The following ATG10 variants were observed in gnomAD, a reference collection of about 807,000 sequenced individuals.
The protein encoded by ATG10 is ubiquitin-like-conjugating enzyme ATG10.
A neutral mutation model predicts 32.1 loss-of-function variants in ATG10; 30 were observed. That is an observed-to-expected ratio of 0.94 (90% CI 0.70 to 1.27). The LOEUF (loss-of-function observed/expected upper bound fraction) is 1.27, where lower values mean the gene tolerates loss of function less well. Among genes scored for constraint, ATG10 ranks in the 50% most tolerant of loss-of-function variants. The probability of loss-of-function intolerance (pLI) is 0.00; values close to 1 mark genes in which losing one functional copy is unlikely to be tolerated. For synonymous variants in ATG10, 87 were observed against 91.5 expected (o/e 0.95, Z 0.28); for missense variants, 233 against 262.3 (o/e 0.89, Z 0.77).
chr5:82,164,502 A>G lies in ATG10; in HGVS notation c.320A>G (p.Gln107Arg). Residue 107 changes from glutamine to arginine, a missense_variant, in exon 4 of 8, where the codon CAA becomes CGA. Transcript: ENST00000282185. ...CATGTCTTATATTCCTGTAGCTACC[A>G]AGTGCCTGTACTTTACTTTAGGGCA... ...EYHVLYSCSYQVPVLYFRASF... is the reference protein window; with the variant it reads ...EYHVLYSCSYRVPVLYFRASF... 6.2e-7 allele frequency: 1 copy of G among 1,613,664 alleles called. No individual in the cohort carries two copies. Among genetic ancestry groups the G allele is most frequent in the Non-Finnish European group, 8.5e-7 (1 of 1,179,622 alleles).
intron 3 of ATG10, among the ~76,000 whole-genome samples, chr5:82,143,902 A>G (rs1158588249): frequency 3.3e-5 from 5 of 152,220 alleles, no homozygotes; most frequent in African/African-American, 1.2e-4. Context: ...GATTTTGTAT[A>G]GAATTGGTAT....
chr5:82,125,200 G>A lies in ATG10; in HGVS notation c.217-39199G>A, dbSNP rs1285673595. Among the ~76,000 whole-genome samples the A allele has an allele frequency of 2.6e-5, 4 of 152,182 alleles. No homozygotes were observed. In the East Asian group the frequency reaches 5.8e-4, roughly 22 times the overall value. On this transcript the variant is annotated intron_variant, in intron 3 of 7. Coordinates refer to ENST00000282185, the MANE Select transcript of ATG10 (RefSeq NM_031482.5). ...TCTGGATATTAGCCCTTTGTCAGAT[G>A]GATAGATTGCAAAAATTTTCTCCCA...
At chr5:82,190,951 T>C (rs1252550450) in intron 5 of ATG10, among the ~76,000 whole-genome samples, 1 of 152,144 alleles carries the variant, frequency 6.6e-6, no homozygotes, top group Non-Finnish European at 1.5e-5. Flanking sequence ...TCAAATATTA[T>C]TTGGAATAAA....
chr5:82,040,104 T>G (rs1452380919), intron 2 of ATG10, among the ~76,000 whole-genome samples: 1 of 152,164 alleles, frequency 6.6e-6, no homozygotes, highest in Non-Finnish European at 1.5e-5. Flanking sequence ...TGGTCCTCTT[T>G]AAGGCTAGGC....
intron 3 of ATG10, among the ~76,000 whole-genome samples, chr5:82,120,955 C>G (rs890507221): frequency 6.6e-6 from 1 of 152,042 alleles, no homozygotes; most frequent in Non-Finnish European, 1.5e-5. Context: ...ATTTGAAAAT[C>G]CTTTGAACTT....
At chr5:82,008,872 A>G (rs951681685) in intron 2 of ATG10, among the ~76,000 whole-genome samples, 3 of 152,242 alleles carry the variant, frequency 2.0e-5, no homozygotes, top group Non-Finnish European at 4.4e-5. Context: ...TATTACATTT[A>G]TATATGATTG....
chr5:82,127,470 C>T (rs1397528435), intron 3 of ATG10, among the ~76,000 whole-genome samples: 1 of 152,108 alleles, frequency 6.6e-6, no homozygotes, highest in Non-Finnish European at 1.5e-5. Flanking sequence ...CCCAGAGATT[C>T]TGGTACATTG....
At chr5:82,207,051 A>C (rs1317662732) in intron 5 of ATG10, among the ~76,000 whole-genome samples, 1 of 152,046 alleles carries the variant, frequency 6.6e-6, no homozygotes, top group South Asian at 2.1e-4. Flanking sequence ...CTATATCACA[A>C]TTTGTCTTTC....
At chr5:82,018,012 C>T (rs1248481800) in intron 2 of ATG10, among the ~76,000 whole-genome samples, 1 of 152,088 alleles carries the variant, frequency 6.6e-6, no homozygotes, top group African/African-American at 2.4e-5. Flanking sequence ...ATTTAAATTC[C>T]ATCCAAATGC....
At chr5:82,203,285 G>A (rs950113508) in intron 5 of ATG10, among the ~76,000 whole-genome samples, 4 of 151,812 alleles carry the variant, frequency 2.6e-5, no homozygotes, top group African/African-American at 9.7e-5. Context: ...CTGGCCAGAA[G>A]TGGGGTTTCT....
chr5:82,215,151 G>C (rs567255596), intron 5 of ATG10, among the ~76,000 whole-genome samples: 1 of 152,306 alleles, frequency 6.6e-6, no homozygotes, highest in African/African-American at 2.4e-5. Context: ...GCTTGATGGG[G>C]AAGGTTGGCA....
chr5:82,165,134 C>T (rs528512656), intron 4 of ATG10, among the ~76,000 whole-genome samples: 6 of 152,194 alleles, frequency 3.9e-5, no homozygotes, highest in Non-Finnish European at 5.9e-5. Context: ...ATTTAATCAG[C>T]AGCCACATGG....
chr5:81,996,823 C>T (rs1421540565), intron 2 of ATG10, among the ~76,000 whole-genome samples: 1 of 152,156 alleles, frequency 6.6e-6, no homozygotes, highest in Non-Finnish European at 1.5e-5. Flanking sequence ...TTAGTTTTTA[C>T]ATCTAGCAAA....
chr5:82,056,726 C>A (rs1372086443), intron 2 of ATG10, among the ~76,000 whole-genome samples: 2 of 152,114 alleles, frequency 1.3e-5, no homozygotes, highest in Non-Finnish European at 2.9e-5. Context: ...TAACAGTAGC[C>A]AATGCTCCTC....
intron 4 of ATG10, among the ~76,000 whole-genome samples, chr5:82,177,498 C>T (rs2149921728): frequency 6.6e-6 from 1 of 152,170 alleles, no homozygotes; most frequent in Non-Finnish European, 1.5e-5. Flanking sequence ...CATCCATTAG[C>T]CCAAAAGAGC....
intron 5 of ATG10, among the ~76,000 whole-genome samples, chr5:82,240,746 TG>T (rs1746755060): frequency 2.0e-5 from 3 of 152,196 alleles, no homozygotes; most frequent in Non-Finnish European, 4.4e-5. Context: ...ATTGTATGTT[TG>T]TATCAAAATA....
intron 5 of ATG10, among the ~76,000 whole-genome samples, chr5:82,237,442 G>A (rs1284638199): frequency 4.6e-5 from 7 of 152,112 alleles, no homozygotes; most frequent in South Asian, 2.1e-4. Context: ...TCAGGAGTTC[G>A]AGACCAGCCT....
At chr5:82,088,772 C>T (rs1764775963) in intron 3 of ATG10, among the ~76,000 whole-genome samples, 1 of 152,180 alleles carries the variant, frequency 6.6e-6, no homozygotes, top group Non-Finnish European at 1.5e-5. Context: ...AAGCTTTCTT[C>T]TCTCCATTGT....
intron 3 of ATG10, among the ~76,000 whole-genome samples, chr5:82,061,154 G>C (rs1373662793): frequency 1.3e-5 from 2 of 152,054 alleles, no homozygotes; most frequent in Admixed American, 6.6e-5. Context: ...TCCCAGGTAA[G>C]AGCAGAAGAT....
Sources: allele counts gnomAD v4.1 joint callset (sites outside exome capture counted in the v4.1 genomes callset), GRCh38; gene constraint gnomAD v4.1.1; transcripts MANE v1.5; gene names NCBI Gene and HGNC (gene_info 2026-07-23, HGNC 2026-07-21).